G3BP2: variants seen among roughly 807,000 people sequenced by gnomAD.
G3BP2 encodes G3BP stress granule assembly factor 2.
In G3BP2, 11 loss-of-function variants were observed where a neutral mutation model predicts 56.7. The ratio of observed to expected loss-of-function variants is 0.19; its 90% CI spans 0.12 to 0.32. The LOEUF is 0.32. G3BP2 is among the 10% of genes least tolerant of loss of function. G3BP2 has a pLI of 1.00. For missense variants in G3BP2, 340 were observed against 610.9 expected, an observed-to-expected ratio of 0.56 and a Z score of 4.67; for synonymous variants, 165 against 191.6, an observed-to-expected ratio of 0.86 and a Z score of 1.15.
chr4:75,701,355 C>A (rs1250986309), intron 3 of G3BP2, among the ~76,000 whole-genome samples: 1 of 151,886 alleles, frequency 6.6e-6, no homozygotes, highest in East Asian at 1.9e-4. Flanking sequence ...TGCAGTGGCA[C>A]TATCTAAGCT....
intron 11 of G3BP2, 71 bp from the exon 12 acceptor site, chr4:75,645,773 G>T: frequency 1.5e-6 from 2 of 1,361,616 alleles, no homozygotes; most frequent in Non-Finnish European, 2.1e-6. Context: ...CTCTGAACAG[G>T]TCAGTCAGAT....
chr4:75,658,789 A>T (rs1197000721), intron 3 of G3BP2, 54 bp downstream of exon 3: 13 of 1,090,408 alleles, frequency 1.2e-5, no homozygotes, highest in Non-Finnish European at 1.6e-5. Context: ...GCTATTTTTT[A>T]AAATCTCCAT....
At chr4:75,664,832 G>A (rs1053045128) in intron 1 of G3BP2, among the ~76,000 whole-genome samples, 62 of 152,102 alleles carry the variant, frequency 4.1e-4, no homozygotes, top group African/African-American at 1.4e-3. Flanking sequence ...CTGGGCAACT[G>A]AGTAAGACTC....
chr4:75,706,953 G>A (rs1467360928), intron 3 of G3BP2, among the ~76,000 whole-genome samples: 1 of 152,066 alleles, frequency 6.6e-6, no homozygotes, highest in Non-Finnish European at 1.5e-5. Flanking sequence ...AGCACTTTGA[G>A]AGGCTGAGGC....
At chr4:75,670,566 A>C (rs1015574841) in intron 1 of G3BP2, 13 of 152,242 alleles carry the variant, frequency 8.5e-5, no homozygotes, top group Admixed American at 6.5e-4. Context: ...GAAGCTATTA[A>C]AAGTGACCAA....
intron 3 of G3BP2, among the ~76,000 whole-genome samples, chr4:75,711,227 G>A (rs944980683): frequency 1.3e-5 from 2 of 151,692 alleles, no homozygotes; most frequent in South Asian, 4.2e-4. Flanking sequence ...GCTGAGGTGG[G>A]AGAATCTCTT....
At chr4:75,648,523 GCA>G (rs1316741419) in intron 9 of G3BP2, 114 bp downstream of exon 9, 1 of 513,036 alleles carries the variant, frequency 1.9e-6, no homozygotes, top group Non-Finnish European at 3.5e-6. Flanking sequence ...ACATCTTTAA[GCA>G]ATTTGAGACT....
At chr4:75,721,000 C>T (rs1720154655) in intron 2 of G3BP2, among the ~76,000 whole-genome samples, 1 of 143,614 alleles carries the variant, frequency 7.0e-6, no homozygotes, top group Non-Finnish European at 1.5e-5. Context: ...AAAAAATTAG[C>T]CAGGCATGAT....
intron 3 of G3BP2, among the ~76,000 whole-genome samples, chr4:75,709,014 G>A (rs1719652971): frequency 1.3e-5 from 2 of 152,220 alleles, no homozygotes; most frequent in Non-Finnish European, 2.9e-5. Flanking sequence ...GGAGGCCGAG[G>A]TGGGAGAATA....
intron 8 of G3BP2, among the ~76,000 whole-genome samples, chr4:75,653,642 G>A (rs898083531): frequency 2.1e-5 from 3 of 140,654 alleles, no homozygotes; most frequent in African/African-American, 8.1e-5. Flanking sequence ...ACTACTTTGT[G>A]CCTCTCCGAA....
intron 3 of G3BP2, among the ~76,000 whole-genome samples, chr4:75,686,954 A>G (rs999884737): frequency 1.3e-5 from 2 of 152,168 alleles, no homozygotes; most frequent in African/African-American, 4.8e-5. Flanking sequence ...TTGGCTGAGC[A>G]TGGTGGCTCA....
At chr4:75,719,678 C>T (rs568312965) in intron 3 of G3BP2, among the ~76,000 whole-genome samples, 25 of 152,102 alleles carry the variant, frequency 1.6e-4, no homozygotes, top group African/African-American at 6.0e-4. Flanking sequence ...GCAACCTCCG[C>T]CTCCCAGTTT....
chr4:75,721,826 G>T (rs143296435), intron 2 of G3BP2, among the ~76,000 whole-genome samples: 1 of 151,986 alleles, frequency 6.6e-6, no homozygotes, highest in Non-Finnish European at 1.5e-5. Context: ...AATTTTGTTC[G>T]TTGATCTATT....
At chr4:75,692,406 G>A (rs1305330282) in intron 3 of G3BP2, among the ~76,000 whole-genome samples, 1 of 152,058 alleles carries the variant, frequency 6.6e-6, no homozygotes, top group Non-Finnish European at 1.5e-5. Flanking sequence ...CCGCCTCCCA[G>A]GTTCAAGCAA....
At chr4:75,686,982 C>G (rs1410638205) in intron 3 of G3BP2, among the ~76,000 whole-genome samples, 2 of 152,236 alleles carry the variant, frequency 1.3e-5, no homozygotes, top group East Asian at 3.9e-4. Context: ...AATCGCAGCA[C>G]TTGAGGAGAC....
At chr4:75,699,021 T>C (rs1031654220) in intron 3 of G3BP2, among the ~76,000 whole-genome samples, 8 of 152,182 alleles carry the variant, frequency 5.3e-5, no homozygotes, top group South Asian at 4.1e-4. Context: ...CCTCTACTTA[T>C]GTATGCCAGC....
intron 2 of G3BP2, among the ~76,000 whole-genome samples, chr4:75,721,170 A>T (rs6817228): frequency 0.23 from 35,557 of 151,390 alleles, 4,648 homozygotes; most frequent in African/African-American, 0.36. Context: ...GGAACTCCCA[A>T]CTTCAGGTGA....
chr4:75,653,589 T>TAAAA (rs11422883), intron 8 of G3BP2, among the ~76,000 whole-genome samples: 4 of 121,536 alleles, frequency 3.3e-5, no homozygotes, highest in South Asian at 5.5e-4. Context: ...TTTTTTGCTT[T>TAAAA]AAAAAAAAAA....
At position 75,648,693 on chromosome 4, in the gene G3BP2, G is replaced by A. The variant is rs1186086259; in HGVS notation, c.874C>T (p.Arg292Cys). The A allele has an allele frequency of 3.1e-6, 5 of 1,609,606 alleles. No individual in the cohort carries two copies. Among genetic ancestry groups the A allele is most frequent in the African/African-American group, 1.3e-5 (1 of 74,816 alleles). Residue 292 changes from arginine (R) to cysteine (C), a missense_variant, in exon 9 of 12, where the codon CGT becomes TGT. Transcript: ENST00000359707. The stretch of plus-strand genomic sequence containing the variant: ...GGTCGTTCTCTAGGTCGTTGTTCAC[G>A]CACACGAGGTGGCTGAGATTGAACT... The part of the protein sequence containing the change: ...PEVQSQPPRV[R>C]EQRPRERPGF...
Sources: gnomAD v4.1 joint callset for allele counts (sites outside exome capture counted in the v4.1 genomes callset) on GRCh38, gnomAD v4.1.1 for gene constraint, MANE v1.5 for transcripts, NCBI Gene and HGNC (gene_info 2026-07-23, HGNC 2026-07-21) for gene names.